DDX54: variants seen among roughly 807,000 people sequenced by gnomAD.
DDX54 encodes ATP-dependent RNA helicase DDX54.
Under a neutral mutation model 105.5 loss-of-function variants are expected in DDX54, and 67 were observed. The ratio of observed to expected loss-of-function variants is 0.64; its 90% CI spans 0.52 to 0.78. DDX54 has a LOEUF of 0.78. Ranked by LOEUF, DDX54 falls within the 30% of genes least tolerant of loss-of-function variation. The pLI is 0.00. For missense variants in DDX54, 1,206 were observed against 1,230.5 expected, an observed-to-expected ratio of 0.98 and a Z score of 0.30; for synonymous variants, 514 against 509.9, an observed-to-expected ratio of 1.01 and a Z score of -0.11.
chr12:113,179,273 C>A lies in DDX54; in HGVS notation c.434G>T (p.Gly145Val). ...TGGGAGGAGGAAGCAGGCTGTCTTGCCACTGCCCGTCCGGGCCATGGCCAC... is the reference window on the plus strand; with the variant it reads ...TGGGAGGAGGAAGCAGGCTGTCTTGACACTGCCCGTCCGGGCCATGGCCAC... ...DVVAMARTGSGKTACFLLPMF... is the reference protein window; with the variant it reads ...DVVAMARTGSVKTACFLLPMF... The change falls in exon 4 of 20, where the codon GGC becomes GTC. Residue 145 changes from glycine (G) to valine (V), a missense_variant. Gly to Val is a moderately radical substitution (Grantham distance 109). Transcript: ENST00000306014. 6.2e-7 allele frequency: 1 copy of A among 1,614,058 alleles called. No individual in the cohort carries two copies. The highest frequency in any genetic ancestry group is 8.5e-7 in the Non-Finnish European group (1 of 1,180,022).
chr12:113,163,955 C>A lies in DDX54; in HGVS notation c.1938+112G>T. ...GACTCTGCAGATGGGAAGCTGACTG[C>A]ATCCACCTCCATCCACTGCTCAAAG... On this transcript the variant is annotated intron_variant, in intron 15 of 19. Transcript: ENST00000306014. This position sits in a 1 kb window ranked among gnomAD's most constrained non-coding sequence, Gnocchi z 5.9. The A allele has an allele frequency of 7.0e-7, 1 of 1,430,568 alleles. No individual in the cohort carries two copies. Among genetic ancestry groups the A allele is most frequent in the Non-Finnish European group, 9.1e-7 (1 of 1,093,006 alleles). 88.6% of individuals were successfully genotyped at this position (1,430,568 alleles called of 1,614,324 possible).
intron 12 of DDX54, among the ~76,000 whole-genome samples, chr12:113,169,465 T>TA (rs938072875): frequency 6.6e-6 from 1 of 151,204 alleles, no homozygotes; most frequent in Non-Finnish European, 1.5e-5. Flanking sequence ...AAAAATACAA[T>TA]AAAAAATTTG....
At position 113,163,318 on chromosome 12, in the gene DDX54, C is replaced by A. The variant is rs762189824; in HGVS notation, c.1939-44G>T. ...AGGCCCAGTGTCATGCCTGCTGCCCCCTGGGGACTTCCCCCTGCCTCCCTA... is the reference window on the plus strand; with the variant it reads ...AGGCCCAGTGTCATGCCTGCTGCCCACTGGGGACTTCCCCCTGCCTCCCTA... On this transcript the variant is annotated intron_variant, in intron 15 of 19. Coordinates refer to ENST00000306014, the MANE Select transcript of DDX54 (RefSeq NM_024072.4). This position sits in a 1 kb window ranked among gnomAD's most constrained non-coding sequence, Gnocchi z 5.9. 3.2e-6 allele frequency: 5 copies of A among 1,575,252 alleles called. No homozygotes were observed. In the South Asian group the frequency reaches 5.6e-5, roughly 18 times the overall value.
rs1032647818 is a variant in DDX54, at chr12:113,185,428, C to T, written c.24G>A (p.Ala8=). The change falls in exon 1 of 20, where the codon GCG becomes GCA. Residue 8 remains alanine (A), a synonymous_variant. Coordinates refer to ENST00000306014, the MANE Select transcript of DDX54 (RefSeq NM_024072.4). The part of the protein sequence containing the change: MAADKGP[A]AGPRSRAAMA... ...TGGCAGCTCGCGACCGAGGTCCAGC[C>T]GCCGGGCCCTTGTCGGCCGCCATTC... 9.2e-6 allele frequency: 14 copies of T among 1,520,748 alleles called. No individual in the cohort carries two copies. Among genetic ancestry groups the T allele is most frequent in the Middle Eastern group, 1.8e-4 (1 of 5,650 alleles). The allele number at this position is 1,520,748 out of a possible 1,614,324, so 94.2% of individuals were successfully genotyped here.
chr12:113,170,825 C>G (rs1311361349), intron 11 of DDX54, among the ~76,000 whole-genome samples: 3 of 152,100 alleles, frequency 2.0e-5, no homozygotes, highest in Non-Finnish European at 4.4e-5. Flanking sequence ...GATGTGCCAA[C>G]CCATCACAGA....
Position 113,170,006 on chromosome 12 carries a change from C to T in DDX54, c.1280-102G>A, listed in dbSNP as rs977997383. 2.5e-5 allele frequency: 37 copies of T among 1,495,646 alleles called. No individual in the cohort carries two copies. In the African/African-American group the frequency reaches 4.3e-4, roughly 17 times the overall value. 92.6% of individuals were successfully genotyped at this position (1,495,646 alleles called of 1,614,324 possible). On this transcript the variant is annotated intron_variant, in intron 11 of 19. Transcript: ENST00000306014. ...TGAGCAGGTGAGCCTGGCCAAGCCTCGAACCTCACACGGCTGCTGTCCCCA... is the reference window on the plus strand; with the variant it reads ...TGAGCAGGTGAGCCTGGCCAAGCCTTGAACCTCACACGGCTGCTGTCCCCA...
rs767345610 is a variant in DDX54, at chr12:113,165,815, C to T, written c.1632G>A (p.Leu544=). ...AGAAGGACTCACTGAAGAGGGGGTG[C>T]AGGCCCAGCCCCACAAGGTCCATCT... ...AKEMDLVGLG[L]HPLFSSRFEE... is the part of the protein sequence containing the mutation. The change falls in exon 13 of 20, where the codon CTG becomes CTA. Residue 544 remains leucine (L), a synonymous_variant. Transcript: ENST00000306014. 64 of 1,604,436 alleles carry T rather than the reference C, an allele frequency of 4.0e-5. No homozygotes were observed. The South Asian group carries it at 6.4e-4, about 16-fold the overall frequency.
At chr12:113,185,252 C>T (rs1171906343) in intron 1 of DDX54, 26 bp downstream of exon 1, 3 of 1,491,352 alleles carry the variant, frequency 2.0e-6, no homozygotes, top group South Asian at 1.3e-5. Flanking sequence ...CGGGCCCGAA[C>T]ATGCGTCCCA....
intron 19 of DDX54, among the ~76,000 whole-genome samples, chr12:113,160,405 C>G (rs1952188672): frequency 1.3e-5 from 2 of 152,202 alleles, no homozygotes. Flanking sequence ...TCAGTCATAG[C>G]CCTCATAAGG....
rs555395450 is a variant in DDX54, at chr12:113,163,935, T to C, written c.1938+132A>G. On this transcript the variant is annotated intron_variant, in intron 15 of 19. Transcript: ENST00000306014. The surrounding 1 kb of genome is among the most constrained non-coding windows in gnomAD (Gnocchi z 5.9). ...GTGGACAAGAACCATGCCCCGACTCTGCAGATGGGAAGCTGACTGCATCCA... is the reference window on the plus strand; with the variant it reads ...GTGGACAAGAACCATGCCCCGACTCCGCAGATGGGAAGCTGACTGCATCCA... 58 of 1,420,070 alleles carry C rather than the reference T, an allele frequency of 4.1e-5. No individual in the cohort carries two copies. The African/African-American group carries it at 7.8e-4, about 19-fold the overall frequency. 88.0% of individuals were successfully genotyped at this position (1,420,070 alleles called of 1,614,324 possible).
chr12:113,163,922 C>G lies in DDX54; in HGVS notation c.1938+145G>C. On this transcript the variant is annotated intron_variant, in intron 15 of 19. Coordinates refer to ENST00000306014, the MANE Select transcript of DDX54 (RefSeq NM_024072.4). The surrounding 1 kb of genome is among the most constrained non-coding windows in gnomAD (Gnocchi z 5.9). The stretch of plus-strand genomic sequence containing the variant: ...TAAACGAGGGATGGTGGACAAGAAC[C>G]ATGCCCCGACTCTGCAGATGGGAAG... 7.1e-7 allele frequency: 1 copy of G among 1,404,096 alleles called. No homozygotes were observed. The highest frequency in any genetic ancestry group is 2.5e-5 in the East Asian group (1 of 39,606). 87.0% of individuals were successfully genotyped at this position (1,404,096 alleles called of 1,614,324 possible).
chr12:113,166,820 G>A (rs1952283354), intron 12 of DDX54, among the ~76,000 whole-genome samples: 3 of 152,214 alleles, frequency 2.0e-5, no homozygotes, highest in Admixed American at 6.5e-5. Context: ...GAGGCTCAGC[G>A]AGGTTCAATT....
At position 113,179,206 on chromosome 12, in the gene DDX54, G is replaced by A; in HGVS notation, c.501C>T (p.Ala167=). The change falls in exon 4 of 20, where the codon GCC becomes GCT. Residue 167 remains alanine (A), a synonymous_variant. Transcript: ENST00000306014. ...GGGTCGGCGAGAGGATGAGGGCGCGGGCCCCGGTCTGGGCACTGTGGGTCT... is the reference window on the plus strand; with the variant it reads ...GGGTCGGCGAGAGGATGAGGGCGCGAGCCCCGGTCTGGGCACTGTGGGTCT... ...RLKTHSAQTG[A]RALILSPTRE... is the part of the protein sequence containing the mutation. 6.2e-7 allele frequency: 1 copy of A among 1,614,152 alleles called. No homozygotes were observed.
In DDX54 at chr12:113,164,269, T is replaced by C. The variant is rs1041987466; in HGVS notation, c.1736A>G (p.Asn579Ser). The C allele has an allele frequency of 5.0e-6, 8 of 1,592,240 alleles. No individual in the cohort carries two copies. Among genetic ancestry groups the C allele is most frequent in the African/African-American group, 1.3e-5 (1 of 74,784 alleles). ...GCTGCACAGGTCTCGGCTGGAGGCG[T>C]TGATCTCAAAGATAGTCTGTGGAGG... ...YRSRATIFEI[N>S]ASSRDLCSQV... Residue 579 changes from asparagine to serine, a missense_variant, in exon 15 of 20, where the codon AAC becomes AGC. Around this residue, in one of 3 missense-constraint regions of DDX54, gnomAD observed 961 missense variants for 1,019.1 expected, o/e 0.94. Coordinates refer to ENST00000306014, the MANE Select transcript of DDX54 (RefSeq NM_024072.4).
At chr12:113,172,944 C>T (rs1398625789) in intron 10 of DDX54, among the ~76,000 whole-genome samples, 1 of 151,814 alleles carries the variant, frequency 6.6e-6, no homozygotes, top group Admixed American at 6.6e-5. Flanking sequence ...ATAACTGCCC[C>T]TTCTTTGTGC....
Position 113,162,004 on chromosome 12 carries a change from G to T in DDX54, c.2196-7C>A. 1.2e-6 allele frequency: 2 copies of T among 1,612,324 alleles called. No homozygotes were observed. Among genetic ancestry groups the T allele is most frequent in the South Asian group, 1.1e-5 (1 of 91,072 alleles). On this transcript the variant is annotated splice_region_variant and splice_polypyrimidine_tract_variant and intron_variant, in intron 17 of 19. Transcript: ENST00000306014. ...CCGCTTCTTCTTACGGTCCCTGCAG[G>T]AGAGGGAGTTGGGACGGCTGCCGTG...
chr12:113,181,057 A>G lies in DDX54; in HGVS notation c.176T>C (p.Leu59Pro). The G allele has an allele frequency of 6.2e-7, 1 of 1,611,038 alleles. No individual in the cohort carries two copies. The change falls in exon 2 of 20, where the codon CTG (leucine) becomes CCG (proline). Residue 59 changes from leucine to proline, a missense_variant and splice_region_variant. Transcript: ENST00000306014. ...GGTGGGCAGGGGTCTTCCAGGTCCC[A>G]GCTGGGAGGGAAGGACAGAGAGGTG... ...QAEDDARARKLGPGRPLPTFP... is the reference protein window; with the variant it reads ...QAEDDARARKPGPGRPLPTFP...
chr12:113,167,317 C>T (rs561170359), intron 12 of DDX54, among the ~76,000 whole-genome samples: 24 of 152,204 alleles, frequency 1.6e-4, no homozygotes, highest in African/African-American at 5.8e-4. Context: ...GTCAAGGGCG[C>T]AGTGAGCTGT....
chr12:113,179,873 C>T, intron 3 of DDX54, 62 bp downstream of exon 3: 2 of 1,585,210 alleles, frequency 1.3e-6, no homozygotes, highest in Non-Finnish European at 1.7e-6. Flanking sequence ...TGTCAAGGGG[C>T]CAGAGAGGAG....
Sources: allele counts gnomAD v4.1 joint callset (sites outside exome capture counted in the v4.1 genomes callset), GRCh38; gene constraint gnomAD v4.1.1; regional missense constraint gnomAD v4.1.1; non-coding constraint Gnocchi (gnomAD v3.1); transcripts MANE v1.5; gene names NCBI Gene and HGNC (gene_info 2026-07-23, HGNC 2026-07-21).